CGN: variants seen among roughly 807,000 people sequenced by gnomAD.
CGN encodes the protein cingulin.
In CGN, 121 loss-of-function variants were observed where a neutral mutation model predicts 157.1. That is an observed-to-expected ratio of 0.77 (90% confidence interval 0.66 to 0.90). CGN has a LOEUF of 0.90. Ranked by LOEUF, CGN falls within the 40% of genes least tolerant of loss-of-function variation. CGN has a pLI of 0.00. For synonymous variants in CGN, 535 were observed against 607.5 expected (o/e 0.88, Z 1.76); for missense variants, 1,424 against 1,520.9 (o/e 0.94, Z 1.06).
In CGN at chr1:151,537,956, C is replaced by T. The variant is rs1315270456; in HGVS notation, c.*610C>T. 1 of 152,692 alleles carries T rather than the reference C, an allele frequency of 6.5e-6. No individual in the cohort carries two copies. The highest frequency in any genetic ancestry group is 1.9e-4 in the East Asian group (1 of 5,188). The allele number at this position is 152,692 out of a possible 1,614,324, so 9.5% of individuals were successfully genotyped here. A position where few individuals can be genotyped will look rare whatever the true frequency, so the allele number is the denominator to read the frequency against. On this transcript the variant is annotated 3_prime_UTR_variant, in exon 21 of 21. Transcript: ENST00000271636. The stretch of plus-strand genomic sequence containing the variant: ...GCATTTTTCCTGTCAGTGCCTTAGC[C>T]AAGGCAAGGAGATAAGGATGCTCTT...
intron 17 of CGN, 45 bp downstream of exon 17, chr1:151,535,728 GAGT>G: frequency 6.2e-7 from 1 of 1,607,078 alleles, no homozygotes. Context: ...CCCAGGAGGT[GAGT>G]AAAATGGCCA....
At chr1:151,510,312 A>G (rs1229701952), upstream of CGN, among the ~76,000 whole-genome samples, 1 of 152,228 alleles carries the variant, frequency 6.6e-6, no homozygotes, top group African/African-American at 2.4e-5. Context: ...TTCTACTCCA[A>G]TAGATACAGG....
At position 151,538,324 on chromosome 1, in the gene CGN, A is replaced by C. The variant is rs1344906281; in HGVS notation, c.*978A>C. ...GGGCTTCTCTGACCACATGTGCCCA[A>C]CTTCAATAAGAGAACCAAGGGACCC... On this transcript the variant is annotated 3_prime_UTR_variant, in exon 21 of 21. Coordinates refer to ENST00000271636, the MANE Select transcript of CGN (RefSeq NM_020770.3). The C allele has an allele frequency of 1.3e-5, 2 of 152,174 alleles. No homozygotes were observed. The highest frequency in any genetic ancestry group is 3.9e-4 in the East Asian group (2 of 5,194). 9.4% of individuals were successfully genotyped at this position (152,174 alleles called of 1,614,324 possible). A position where few individuals can be genotyped will look rare whatever the true frequency, so the allele number is the denominator to read the frequency against.
At chr1:151,523,698 G>A in intron 6 of CGN, 137 bp downstream of exon 6, 1 of 818,000 alleles carries the variant, frequency 1.2e-6, no homozygotes, top group Non-Finnish European at 1.9e-6. Flanking sequence ...TTGGTTTAAG[G>A]ACAGGATAGG....
upstream of CGN, among the ~76,000 whole-genome samples, chr1:151,510,355 A>T (rs764563629): frequency 6.6e-6 from 1 of 152,208 alleles, no homozygotes; most frequent in Non-Finnish European, 1.5e-5. Flanking sequence ...TGAGAACAAA[A>T]TCCGGAGCCC....
In CGN at chr1:151,524,836, T is replaced by C; in HGVS notation, c.1564T>C (p.Tyr522His). 2 of 1,612,322 alleles carry C rather than the reference T, an allele frequency of 1.2e-6. No individual in the cohort carries two copies. Among genetic ancestry groups the C allele is most frequent in the African/African-American group, 2.7e-5 (2 of 74,966 alleles). ...DQEVEHVRQQ[Y>H]QRDTEQLRRS... ...GGAGGTGGAACATGTCCGGCAGCAG[T>C]ACCAGCGAGACACAGAGCAGCTCCG... Residue 522 changes from tyrosine (Y) to histidine (H), a missense_variant, in exon 8 of 21, where the codon TAC becomes CAC. Transcript: ENST00000271636. This position sits in a 1 kb window ranked among gnomAD's most constrained non-coding sequence, Gnocchi z 4.4.
intron 1 of CGN, among the ~76,000 whole-genome samples, chr1:151,516,151 T>A (rs1664405477): frequency 6.6e-6 from 1 of 152,142 alleles, no homozygotes; most frequent in African/African-American, 2.4e-5. Flanking sequence ...GCCTCTCCCA[T>A]CCCTTCCCCT....
intron 16 of CGN, among the ~76,000 whole-genome samples, 154 bp downstream of exon 16, chr1:151,535,285 T>C (rs1333577725): frequency 1.3e-5 from 2 of 151,956 alleles, no homozygotes; most frequent in Non-Finnish European, 2.9e-5. Context: ...TTGGGAAAGG[T>C]TGGCCAGTTT....
At chr1:151,535,518 C>G (rs1571671794) in intron 16 of CGN, 82 bp from the exon 17 acceptor site, 2 of 1,129,536 alleles carry the variant, frequency 1.8e-6, no homozygotes, top group East Asian at 4.7e-5. Flanking sequence ...ACCATCCTCC[C>G]ATGACTCAGC....
intron 15 of CGN, chr1:151,534,374 G>A: frequency 2.0e-6 from 1 of 507,280 alleles, no homozygotes. Context: ...TCCTGAGTCT[G>A]CATGGCAACA....
rs768510789 is a variant in CGN at position 151,532,392 on chromosome 1, T to C, written c.2572-10T>C. 1.6e-5 allele frequency: 25 copies of C among 1,543,976 alleles called. No individual in the cohort carries two copies. Among genetic ancestry groups the C allele is most frequent in the Non-Finnish European group, 5.2e-6 (6 of 1,150,748 alleles). ...GTACAGTGCTGAAGACCCTTTTCTC[T>C]GTGTTTCAGTTGGAGAAGATCGGGG... On this transcript the variant is annotated splice_polypyrimidine_tract_variant and intron_variant, in intron 13 of 20. Transcript: ENST00000271636.
intron 8 of CGN, among the ~76,000 whole-genome samples, chr1:151,525,090 G>C (rs183733747): frequency 6.6e-6 from 1 of 152,264 alleles, no homozygotes; most frequent in Admixed American, 6.5e-5. Context: ...GTACCTTGAG[G>C]TTGTGTGACA....
chr1:151,520,843 G>A, intron 5 of CGN, 152 bp downstream of exon 5: 1 of 672,566 alleles, frequency 1.5e-6, no homozygotes, highest in Non-Finnish European at 2.6e-6. Context: ...ATTCCAGGAA[G>A]GACTTCTGGG....
chr1:151,527,211 G>A (rs899951491), intron 10 of CGN, 104 bp downstream of exon 10: 1 of 1,307,438 alleles, frequency 7.6e-7, no homozygotes, highest in Non-Finnish European at 1.1e-6. Flanking sequence ...CTGTGTGCTT[G>A]GTTTCCAGGC....
chr1:151,517,183 A>G (rs1239582630), intron 1 of CGN, among the ~76,000 whole-genome samples: 1 of 152,128 alleles, frequency 6.6e-6, no homozygotes, highest in African/African-American at 2.4e-5. Flanking sequence ...CTTTTCTTGA[A>G]TAGATAATAC....
intron 1 of CGN, among the ~76,000 whole-genome samples, chr1:151,516,458 C>T (rs1350063395): frequency 6.6e-6 from 1 of 151,984 alleles, no homozygotes; most frequent in African/African-American, 2.4e-5. Context: ...GCAATGTGGA[C>T]CTGGGAAGCT....
Position 151,511,749 on chromosome 1 carries a change from G to C in CGN, c.-15+234G>C, listed in dbSNP as rs1664300565. Among the ~76,000 whole-genome samples the C allele has an allele frequency of 6.6e-6, 1 of 152,206 alleles. No homozygotes were observed. Among genetic ancestry groups the C allele is most frequent in the Admixed American group, 6.5e-5 (1 of 15,288 alleles). Reference sequence around the variant, plus strand: ...AAGGTGCCAGGCGAGGGGCACCTGGGGCGAAGGCTGTTCCCAGCGCATGAA... The same window carrying C: ...AAGGTGCCAGGCGAGGGGCACCTGGCGCGAAGGCTGTTCCCAGCGCATGAA... On this transcript the variant is annotated intron_variant, in intron 1 of 20. Coordinates refer to ENST00000271636, the MANE Select transcript of CGN (RefSeq NM_020770.3). This position sits in a 1 kb window ranked among gnomAD's most constrained non-coding sequence, Gnocchi z 4.8.
chr1:151,528,002 G>C (rs572889702), intron 10 of CGN: 20 of 159,032 alleles, frequency 1.3e-4, no homozygotes, highest in East Asian at 6.7e-4. Flanking sequence ...GTCACCCAGG[G>C]TGGAATGCAG....
chr1:151,510,246 G>A (rs1240301513), upstream of CGN, among the ~76,000 whole-genome samples: 4 of 152,084 alleles, frequency 2.6e-5, no homozygotes, highest in African/African-American at 9.7e-5. Flanking sequence ...CTTGGGGAGG[G>A]GCGGAAACCA....
Sources: allele counts gnomAD v4.1 joint callset (sites outside exome capture counted in the v4.1 genomes callset), GRCh38; gene constraint gnomAD v4.1.1; non-coding constraint Gnocchi (gnomAD v3.1); transcripts MANE v1.5; gene names NCBI Gene and HGNC (gene_info 2026-07-23, HGNC 2026-07-21).